TBC1D15: variants seen among roughly 807,000 people sequenced by gnomAD.
The protein encoded by TBC1D15 is GAP for RAB7.
Under a neutral mutation model 95.4 loss-of-function variants are expected in TBC1D15, and 39 were observed. The observed-to-expected ratio is 0.41, with a 90% CI of 0.32 to 0.53. TBC1D15 has a LOEUF of 0.53. Among genes scored for constraint, TBC1D15 ranks in the 20% least tolerant of loss-of-function variants. TBC1D15 has a pLI of 0.29. For synonymous variants in TBC1D15, 258 were observed against 261.3 expected (o/e 0.99, Z 0.12); for missense variants, 733 against 794.3 (o/e 0.92, Z 0.93).
intron 12 of TBC1D15, 95 bp from the exon 13 acceptor site, chr12:71,917,603 G>A (rs1904013894): frequency 3.8e-6 from 3 of 784,250 alleles, no homozygotes; most frequent in African/African-American, 1.7e-5. Context: ...TATAAGTTCA[G>A]CATTTGTCCT....
chr12:71,908,913 C>A (rs2138929420), intron 11 of TBC1D15, among the ~76,000 whole-genome samples: 1 of 152,286 alleles, frequency 6.6e-6, no homozygotes, highest in Non-Finnish European at 1.5e-5. Context: ...ATTCTTACCT[C>A]TACACCTTCA....
At chr12:71,884,122 A>C (rs182570882) in intron 4 of TBC1D15, among the ~76,000 whole-genome samples, 1 of 152,148 alleles carries the variant, frequency 6.6e-6, no homozygotes, top group Non-Finnish European at 1.5e-5. Flanking sequence ...ATTCCTTGCT[A>C]TACTTTGTTT....
chr12:71,891,743 T>C (rs79408168), intron 5 of TBC1D15, among the ~76,000 whole-genome samples: 5,850 of 152,104 alleles, frequency 0.038, 382 homozygotes, highest in African/African-American at 0.13. Context: ...TTTTAAAAAA[T>C]ATTTGTGGTT....
chr12:71,905,831 CTGT>C (rs1226796828), intron 10 of TBC1D15, among the ~76,000 whole-genome samples: 1 of 151,982 alleles, frequency 6.6e-6, no homozygotes, highest in African/African-American at 2.4e-5. Context: ...ACATCATACC[CTGT>C]TGTTAGATTC....
chr12:71,852,529 G>T (rs1368704354), intron 1 of TBC1D15, among the ~76,000 whole-genome samples: 1 of 152,126 alleles, frequency 6.6e-6, no homozygotes, highest in East Asian at 1.9e-4. Context: ...TTTATGTCCT[G>T]CTTACCTTTT....
Position 71,907,056 on chromosome 12 carries a change from G to C in TBC1D15, c.1218G>C (p.Lys406Asn). ...KDVNRTDRTN[K>N]FYEGQDNPGL... ...TTAACAGAACAGATCGAACAAACAAGTTTTATGAAGGCCAAGATAATCCAG... is the reference window on the plus strand; with the variant it reads ...TTAACAGAACAGATCGAACAAACAACTTTTATGAAGGCCAAGATAATCCAG... The change falls in exon 11 of 17, where the codon AAG (lysine) becomes AAC (asparagine). Residue 406 changes from lysine to asparagine, a missense_variant. Lys to Asn is a moderately conservative substitution (Grantham distance 94). Coordinates refer to ENST00000485960, the MANE Select transcript of TBC1D15 (RefSeq NM_001146213.3). The C allele has an allele frequency of 6.2e-7, 1 of 1,611,704 alleles. No individual in the cohort carries two copies.
intron 3 of TBC1D15, among the ~76,000 whole-genome samples, chr12:71,878,158 G>T (rs1480460311): frequency 6.6e-6 from 1 of 152,216 alleles, no homozygotes; most frequent in Non-Finnish European, 1.5e-5. Context: ...GAGAAAAAGG[G>T]CTGGGAGTCT....
chr12:71,855,949 G>C (rs556997591), intron 1 of TBC1D15, among the ~76,000 whole-genome samples: 53 of 150,260 alleles, frequency 3.5e-4, no homozygotes, highest in East Asian at 1.6e-3. Context: ...TTTTTGGGGG[G>C]GGGTATCTTG....
At position 71,923,408 on chromosome 12, in the gene TBC1D15, G is replaced by T. The variant is rs925172066; in HGVS notation, c.*204G>T. On this transcript the variant is annotated 3_prime_UTR_variant, in exon 17 of 17. Coordinates refer to ENST00000485960, the MANE Select transcript of TBC1D15 (RefSeq NM_001146213.3). ...TTCTACCAAATAGCCTTTCCTTTTC[G>T]ATAACATTCCTCAGTATTTTTATAG... 6.1e-6 allele frequency: 3 copies of T among 493,984 alleles called. No homozygotes were observed. Among genetic ancestry groups the T allele is most frequent in the Non-Finnish European group, 1.1e-5 (3 of 281,354 alleles). 30.6% of individuals were successfully genotyped at this position (493,984 alleles called of 1,614,324 possible).
intron 1 of TBC1D15, among the ~76,000 whole-genome samples, chr12:71,870,231 C>T (rs929614447): frequency 7.2e-5 from 11 of 152,096 alleles, no homozygotes; most frequent in African/African-American, 2.7e-4. Context: ...GATGCATACC[C>T]TCCCTTTCCT....
intron 11 of TBC1D15, among the ~76,000 whole-genome samples, chr12:71,910,272 G>T (rs1249522847): frequency 1.3e-5 from 2 of 151,626 alleles, no homozygotes; most frequent in Non-Finnish European, 2.9e-5. Flanking sequence ...TAGCCTTGTA[G>T]TATAGTTTGA....
In TBC1D15 at chr12:71,920,859, T is replaced by G. The variant is rs748283902; in HGVS notation, c.1716+12T>G. 1 of 1,579,964 alleles carries G rather than the reference T, an allele frequency of 6.3e-7. No homozygotes were observed. The highest frequency in any genetic ancestry group is 2.2e-5 in the East Asian group (1 of 44,530). On this transcript the variant is annotated intron_variant, in intron 15 of 16. Transcript: ENST00000485960. ...ATGAAATACTTAAGGTAGTTATTCC[T>G]TTAATTCAGATTTTAGTGTTCTGGC...
At chr12:71,919,606 CAGATT>C (rs1410002998) in intron 14 of TBC1D15, among the ~76,000 whole-genome samples, 1 of 152,148 alleles carries the variant, frequency 6.6e-6, no homozygotes, top group Non-Finnish European at 1.5e-5. Flanking sequence ...CCTCTGTTCT[CAGATT>C]AGAAGTAAAA....
rs1374243620 is a variant in TBC1D15 at position 71,875,570 on chromosome 12, C to T, written c.204+2567C>T. Among the ~76,000 whole-genome samples, 8 of 151,762 alleles carry T rather than the reference C, an allele frequency of 5.3e-5. No individual in the cohort carries two copies. In the East Asian group the frequency reaches 5.8e-4, roughly 11 times the overall value. On this transcript the variant is annotated intron_variant, in intron 3 of 16. Coordinates refer to ENST00000485960, the MANE Select transcript of TBC1D15 (RefSeq NM_001146213.3). ...TTCCTCCCTTTCCCTACCTTCTCCT[C>T]GCTTCCACATCAAGTCTCCATCACC...
chr12:71,911,435 A>G (rs898300562), intron 11 of TBC1D15, among the ~76,000 whole-genome samples: 3 of 150,726 alleles, frequency 2.0e-5, no homozygotes, highest in Non-Finnish European at 4.4e-5. Context: ...ATGGAATACT[A>G]TGCAGCCATA....
intron 10 of TBC1D15, among the ~76,000 whole-genome samples, chr12:71,903,347 T>TA (rs1471447300): frequency 6.6e-6 from 1 of 152,196 alleles, no homozygotes; most frequent in Non-Finnish European, 1.5e-5. Flanking sequence ...TGATGGCTGT[T>TA]ACTAAAAAGT....
At chr12:71,881,916 C>CAAAAAAA (rs35977474) in intron 4 of TBC1D15, among the ~76,000 whole-genome samples, 2 of 53,590 alleles carry the variant, frequency 3.7e-5, no homozygotes, top group Non-Finnish European at 7.4e-5. Context: ...GACTCCGTCT[C>CAAAAAAA]AAAAAAAAAA....
chr12:71,865,021 C>T (rs1164433068), intron 1 of TBC1D15, among the ~76,000 whole-genome samples: 1 of 152,190 alleles, frequency 6.6e-6, no homozygotes, highest in African/African-American at 2.4e-5. Flanking sequence ...TCATTTTCCT[C>T]ACAACAGGAG....
intron 5 of TBC1D15, among the ~76,000 whole-genome samples, 153 bp downstream of exon 5, chr12:71,885,174 C>T (rs559974393): frequency 6.6e-6 from 1 of 152,270 alleles, no homozygotes; most frequent in South Asian, 2.1e-4. Flanking sequence ...TTCTTTGGAA[C>T]AATGACTGAA....
Sources: gnomAD v4.1 joint callset for allele counts (sites outside exome capture counted in the v4.1 genomes callset) on GRCh38, gnomAD v4.1.1 for gene constraint, MANE v1.5 for transcripts, NCBI Gene and HGNC (gene_info 2026-07-23, HGNC 2026-07-21) for gene names.